The following EPHA8 variants were observed in gnomAD, a reference collection of about 807,000 sequenced individuals.
EPHA8 encodes EPH receptor A8, also known as ephrin type-A receptor 8.
Under a neutral mutation model 103.6 loss-of-function variants are expected in EPHA8, and 58 were observed. That is an observed-to-expected ratio of 0.56 (90% CI 0.45 to 0.70). EPHA8 has a LOEUF of 0.70. EPHA8 is among the 30% of genes least tolerant of loss of function. The pLI is 0.00. For missense variants in EPHA8, 1,304 were observed against 1,395.2 expected (o/e 0.93, Z 1.04); for synonymous variants, 559 against 572.5 (o/e 0.98, Z 0.34).
At chr1:22,570,372 G>A (rs209745) in intron 2 of EPHA8, among the ~76,000 whole-genome samples, 1,161 of 98,058 alleles carry the variant, frequency 0.012, 24 homozygotes, top group African/African-American at 0.066. Context: ...ACACGTGTGC[G>A]CGTACACACA....
chr1:22,593,718 C>T (rs908922490), intron 7 of EPHA8, 32 bp downstream of exon 7: 6 of 1,533,276 alleles, frequency 3.9e-6, no homozygotes, highest in Non-Finnish European at 5.3e-6. Flanking sequence ...GGGCGCGGAG[C>T]AGCCCAGGTG....
chr1:22,597,979 G>A lies in EPHA8; in HGVS notation c.2116+118G>A. On this transcript the variant is annotated intron_variant, in intron 11 of 16. Transcript: ENST00000166244. This position sits in a 1 kb window ranked among gnomAD's most constrained non-coding sequence, Gnocchi z 4.6. ...CACCTGACCCTGTCCTCTTGGTTCAGGTCCCTGAATGACTCGGGGTGCCCA... is the reference window on the plus strand; with the variant it reads ...CACCTGACCCTGTCCTCTTGGTTCAAGTCCCTGAATGACTCGGGGTGCCCA... 5 of 1,474,762 alleles carry A rather than the reference G, an allele frequency of 3.4e-6. No homozygotes were observed. The South Asian group carries it at 6.0e-5, about 18-fold the overall frequency. 91.4% of individuals were successfully genotyped at this position (1,474,762 alleles called of 1,614,324 possible).
chr1:22,575,698 G>A (rs561487507), intron 2 of EPHA8, among the ~76,000 whole-genome samples: 1 of 152,280 alleles, frequency 6.6e-6, no homozygotes, highest in East Asian at 1.9e-4. Flanking sequence ...GAAGAGCAGG[G>A]TGGAGGGAGT....
rs1280665610 is a variant in EPHA8, at chr1:22,601,859, T to G, written c.*118T>G. The G allele has an allele frequency of 1.0e-6, 1 of 974,904 alleles. No individual in the cohort carries two copies. Among genetic ancestry groups the G allele is most frequent in the African/African-American group, 1.7e-5 (1 of 59,322 alleles). The allele number at this position is 974,904 out of a possible 1,614,324, so 60.4% of individuals were successfully genotyped here. ...CCCAGGCCTCTGCCCTCCTCTCAGG[T>G]GCTGGAGGAGCTGAAGGCTTCGCCA... On this transcript the variant is annotated 3_prime_UTR_variant, in exon 17 of 17. Transcript: ENST00000166244.
In EPHA8 at chr1:22,576,725, C is replaced by T. The variant is rs758347205; in HGVS notation, c.668C>T (p.Ser223Leu). 5.6e-6 allele frequency: 9 copies of T among 1,613,728 alleles called. No individual in the cohort carries two copies. Among genetic ancestry groups the T allele is most frequent in the African/African-American group, 4.0e-5 (3 of 74,952 alleles). The change falls in exon 3 of 17, where the codon TCG becomes TTG. Residue 223 changes from serine (S) to leucine (L), a missense_variant. Ser to Leu is a moderately radical substitution (Grantham distance 145). Transcript: ENST00000166244. The surrounding 1 kb of genome is among the most constrained non-coding windows in gnomAD (Gnocchi z 4.8). ...AFSEAVTGAD[S>L]SSLVEVRGQC... Reference sequence around the variant, plus strand: ...TCGGAGGCAGTGACGGGGGCCGACTCGTCCTCACTGGTGGAGGTGAGGGGC... The same window carrying T: ...TCGGAGGCAGTGACGGGGGCCGACTTGTCCTCACTGGTGGAGGTGAGGGGC...
At position 22,599,705 on chromosome 1, in the gene EPHA8, A is replaced by G. The variant is rs1317142091; in HGVS notation, c.2388+658A>G. 6.4e-4 allele frequency among the ~76,000 whole-genome samples: 7 copies of G among 10,970 alleles called. No homozygotes were observed. In the East Asian group the frequency reaches 9.8e-3, roughly 15 times the overall value. 7.2% of individuals were successfully genotyped at this position (10,970 alleles called of 152,430 possible). A position where few individuals can be genotyped will look rare whatever the true frequency, so the allele number is the denominator to read the frequency against. Reference sequence around the variant, plus strand: ...AAGGAAGGAAAGGAGGGAGGGAGGAAGGAGGGAAGGAAGGGAGGGAGGGAA... The same window carrying G: ...AAGGAAGGAAAGGAGGGAGGGAGGAGGGAGGGAAGGAAGGGAGGGAGGGAA... On this transcript the variant is annotated intron_variant, in intron 13 of 16. Transcript: ENST00000166244.
intron 3 of EPHA8, among the ~76,000 whole-genome samples, chr1:22,577,761 T>C (rs1027170434): frequency 1.3e-5 from 2 of 151,522 alleles, no homozygotes; most frequent in Admixed American, 1.3e-4. Flanking sequence ...GCCCAGGTGG[T>C]GTGCATGAGT....
chr1:22,579,412 ATG>A (rs1640976613), intron 3 of EPHA8, among the ~76,000 whole-genome samples: 1 of 124,752 alleles, frequency 8.0e-6, no homozygotes, highest in African/African-American at 3.1e-5. Context: ...TCATGAGTGT[ATG>A]TATGTGTGCA....
intron 3 of EPHA8, among the ~76,000 whole-genome samples, chr1:22,578,369 C>T (rs201369354): frequency 0.094 from 11,571 of 122,778 alleles, 459 homozygotes; most frequent in South Asian, 0.23. Flanking sequence ...TGCATGTGTG[C>T]GTGCTTTAGT....
At chr1:22,593,293 C>T (rs1449282598) in intron 5 of EPHA8, 33 bp from the exon 6 acceptor site, 2 of 1,545,270 alleles carry the variant, frequency 1.3e-6, no homozygotes, top group Non-Finnish European at 1.8e-6. Context: ...CCTTGTCTCC[C>T]CTCCGCCCAT....
Position 22,597,195 on chromosome 1 carries a change from T to TCCAGAGACTC in EPHA8, c.1766-108_1766-99dup. 1.2e-6 allele frequency: 1 copy of TCCAGAGACTC among 821,234 alleles called. No individual in the cohort carries two copies. The highest frequency in any genetic ancestry group is 1.8e-6 in the Non-Finnish European group (1 of 544,948). 50.9% of individuals were successfully genotyped at this position (821,234 alleles called of 1,614,324 possible). ...GGGGTGCGTGTTGTTTGCTACCACATCCAGAGACTCCCAGAGACACCCCTC... is the reference window on the plus strand; with the variant it reads ...GGGGTGCGTGTTGTTTGCTACCACATCCAGAGACTCCCAGAGACTCCCAGAGACACCCCTC... On this transcript the variant is annotated intron_variant, in intron 9 of 16. Coordinates refer to ENST00000166244, the MANE Select transcript of EPHA8 (RefSeq NM_020526.5). The surrounding 1 kb of genome is among the most constrained non-coding windows in gnomAD (Gnocchi z 4.6).
rs149534815 is a variant in EPHA8, at chr1:22,599,938, GGGGA to G, written c.2389-704_2389-701del. Among the ~76,000 whole-genome samples, 171 of 59,096 alleles carry G rather than the reference GGGGA, an allele frequency of 2.9e-3. 7 individuals carry two copies. Among genetic ancestry groups the G allele is most frequent in the African/African-American group, 0.01 (126 of 12,084 alleles). 38.8% of individuals were successfully genotyped at this position (59,096 alleles called of 152,430 possible). Reference sequence around the variant, plus strand: ...GAGAGAAGGGACGAGGGAGGGAGTGGGGGAGGGAGGGAGGGAGGGAGGAAGGAAG... The same window carrying G: ...GAGAGAAGGGACGAGGGAGGGAGTGGGGGAGGGAGGGAGGGAGGAAGGAAG... On this transcript the variant is annotated intron_variant, in intron 13 of 16. Coordinates refer to ENST00000166244, the MANE Select transcript of EPHA8 (RefSeq NM_020526.5).
intron 4 of EPHA8, among the ~76,000 whole-genome samples, chr1:22,587,213 G>A (rs564975588): frequency 1.1e-4 from 17 of 152,364 alleles, no homozygotes; most frequent in African/African-American, 4.1e-4. Context: ...CGCCTGTATC[G>A]TGTTTGGATG....
chr1:22,569,220 T>C lies in EPHA8; in HGVS notation c.95-69T>C. ...CTGAGTGTGGACCAGTGTAGCTGGGTCAGGCTGCTCTTGAGGAGCTGGGGA... is the reference window on the plus strand; with the variant it reads ...CTGAGTGTGGACCAGTGTAGCTGGGCCAGGCTGCTCTTGAGGAGCTGGGGA... On this transcript the variant is annotated intron_variant, in intron 1 of 16. Transcript: ENST00000166244. This position sits in a 1 kb window ranked among gnomAD's most constrained non-coding sequence, Gnocchi z 4.5. The C allele has an allele frequency of 1.3e-6, 2 of 1,531,294 alleles. No individual in the cohort carries two copies. Among genetic ancestry groups the C allele is most frequent in the Non-Finnish European group, 1.8e-6 (2 of 1,107,004 alleles). 94.9% of individuals were successfully genotyped at this position (1,531,294 alleles called of 1,614,324 possible).
chr1:22,601,314 C>A lies in EPHA8; in HGVS notation c.2744C>A (p.Ala915Asp). The A allele has an allele frequency of 6.2e-7, 1 of 1,601,224 alleles. No individual in the cohort carries two copies. Among genetic ancestry groups the A allele is most frequent in the African/African-American group, 1.3e-5 (1 of 74,146 alleles). Residue 915 changes from alanine to aspartate, a missense_variant, in exon 16 of 17, where the codon GCC becomes GAC. Physicochemically the swap from Ala to Asp is moderately radical, Grantham distance 126. Coordinates refer to ENST00000166244, the MANE Select transcript of EPHA8 (RefSeq NM_020526.5). ...TATVSRCPPP[A>D]FVRSCFDLRG... ...CTGTGCCTCAGGTGCCCACCCCCTGCCTTCGTCCGGAGCTGCTTTGACCTC... is the reference window on the plus strand; with the variant it reads ...CTGTGCCTCAGGTGCCCACCCCCTGACTTCGTCCGGAGCTGCTTTGACCTC...
chr1:22,600,815 G>C lies in EPHA8; in HGVS notation c.2538+5G>C. On this transcript the variant is annotated splice_donor_5th_base_variant and intron_variant, in intron 14 of 16. Transcript: ENST00000166244. ...TGGAACATGACCAACCGGGATGTGA[G>C]TGCCAAGCCCTGGCAGGTCCGCGGG... 6.2e-7 allele frequency: 1 copy of C among 1,603,622 alleles called. No homozygotes were observed. Among genetic ancestry groups the C allele is most frequent in the Non-Finnish European group, 8.5e-7 (1 of 1,173,846 alleles).
Position 22,567,916 on chromosome 1 carries a change from C to G in EPHA8, c.95-1373C>G, listed in dbSNP as rs1017011203. On this transcript the variant is annotated intron_variant, in intron 1 of 16. Coordinates refer to ENST00000166244, the MANE Select transcript of EPHA8 (RefSeq NM_020526.5). This position sits in a 1 kb window ranked among gnomAD's most constrained non-coding sequence, Gnocchi z 4.2. ...CTGTGGGACTCTGGAGCCAAAAGCC[C>G]TCTCATACAGCAATCACCAGCTAGA... 1.3e-5 allele frequency among the ~76,000 whole-genome samples: 2 copies of G among 152,170 alleles called. No homozygotes were observed. Among genetic ancestry groups the G allele is most frequent in the African/African-American group, 4.8e-5 (2 of 41,444 alleles).
At chr1:22,587,201 G>A (rs1335693615) in intron 4 of EPHA8, among the ~76,000 whole-genome samples, 1 of 152,246 alleles carries the variant, frequency 6.6e-6, no homozygotes, top group Non-Finnish European at 1.5e-5. Flanking sequence ...TCTTACAGAC[G>A]ACGCCTGTAT....
At chr1:22,578,443 CA>C (rs1640854060) in intron 3 of EPHA8, among the ~76,000 whole-genome samples, 1 of 116,694 alleles carries the variant, frequency 8.6e-6, no homozygotes, top group African/African-American at 5.2e-5. Flanking sequence ...TACGTGTGTG[CA>C]TGTGTGCGAG....
Sources: allele counts gnomAD v4.1 joint callset (sites outside exome capture counted in the v4.1 genomes callset), GRCh38; gene constraint gnomAD v4.1.1; non-coding constraint Gnocchi (gnomAD v3.1); transcripts MANE v1.5; gene names NCBI Gene and HGNC (gene_info 2026-07-23, HGNC 2026-07-21).